Variants in LRP1B observed in about 807,000 individuals in gnomAD.
LRP1B encodes the protein low-density lipoprotein receptor-related protein 1B.
A neutral mutation model predicts 556.6 loss-of-function variants in LRP1B; 217 were observed. That is an observed-to-expected ratio of 0.39 (90% CI 0.35 to 0.44). LRP1B has a LOEUF of 0.44. Ranked by LOEUF, LRP1B falls within the 20% of genes least tolerant of loss-of-function variation. The pLI is 1.00. For synonymous variants in LRP1B, 2,047 were observed against 1,865.8 expected (o/e 1.10, Z -2.50); for missense variants, 5,053 against 5,620.8 (o/e 0.90, Z 3.23).
chr2:140,448,220 C>T lies in LRP1B; in HGVS notation c.10057+2348G>A, dbSNP rs149423856. Among the ~76,000 whole-genome samples the T allele has an allele frequency of 1.2e-3, 179 of 152,052 alleles. 6 individuals carry two copies. In the East Asian group the frequency reaches 0.03, roughly 26 times the overall value. Reference sequence around the variant, plus strand: ...TGTGAAAAATACAATATCTGCAAAGCGCAGTAAAGTACAGCACAATAAAAT... The same window carrying T: ...TGTGAAAAATACAATATCTGCAAAGTGCAGTAAAGTACAGCACAATAAAAT... On this transcript the variant is annotated intron_variant, in intron 63 of 90. Transcript: ENST00000389484.
chr2:140,961,382 C>T (rs1696028948), intron 18 of LRP1B, among the ~76,000 whole-genome samples: 1 of 151,918 alleles, frequency 6.6e-6, no homozygotes, highest in South Asian at 2.1e-4. Context: ...GTCGCAATAG[C>T]TTCCAAAGAA....
intron 7 of LRP1B, among the ~76,000 whole-genome samples, chr2:141,130,951 A>T (rs1701334255): frequency 6.6e-6 from 1 of 152,092 alleles, no homozygotes; most frequent in Admixed American, 6.6e-5. Context: ...ACATGTTCTC[A>T]TTCATAAGTG....
intron 20 of LRP1B, among the ~76,000 whole-genome samples, chr2:140,924,463 A>T (rs1176410114): frequency 8.5e-5 from 13 of 152,062 alleles, no homozygotes; most frequent in Non-Finnish European, 1.6e-4. Flanking sequence ...CAGGTGATAC[A>T]ATATTATAAA....
At chr2:141,508,810 C>T (rs1000860930) in intron 2 of LRP1B, among the ~76,000 whole-genome samples, 28 of 152,104 alleles carry the variant, frequency 1.8e-4, no homozygotes, top group Admixed American at 7.9e-4. Context: ...AATGCATCTT[C>T]CTAACCATTA....
At chr2:140,413,493 C>T (rs1245236724) in intron 66 of LRP1B, among the ~76,000 whole-genome samples, 2 of 152,122 alleles carry the variant, frequency 1.3e-5, no homozygotes, top group Non-Finnish European at 2.9e-5. Context: ...AACAATTTTA[C>T]CTTGCCTTGT....
chr2:141,338,385 G>C (rs1687927841), intron 3 of LRP1B, among the ~76,000 whole-genome samples: 1 of 152,168 alleles, frequency 6.6e-6, no homozygotes, highest in Admixed American at 6.5e-5. Flanking sequence ...GCATGAACTA[G>C]AGGTTTCTTC....
At chr2:140,363,205 T>G (rs987814326) in intron 72 of LRP1B, among the ~76,000 whole-genome samples, 1 of 151,632 alleles carries the variant, frequency 6.6e-6, no homozygotes. Context: ...AGAACCCTTT[T>G]GTTGTCCTAA....
intron 60 of LRP1B, among the ~76,000 whole-genome samples, chr2:140,471,357 T>G (rs1248161492): frequency 6.6e-6 from 1 of 152,176 alleles, no homozygotes. Context: ...CCCACCAAAA[T>G]AGAGCATCAT....
chr2:140,641,815 T>G (rs932136217), intron 41 of LRP1B, among the ~76,000 whole-genome samples: 7 of 152,226 alleles, frequency 4.6e-5, no homozygotes, highest in African/African-American at 1.7e-4. Flanking sequence ...TACTTTGTTT[T>G]TACTTTTAAA....
At chr2:142,105,089 A>T (rs1324575946) in intron 1 of LRP1B, among the ~76,000 whole-genome samples, 1 of 152,164 alleles carries the variant, frequency 6.6e-6, no homozygotes, top group Non-Finnish European at 1.5e-5. Flanking sequence ...TCATAGGCTG[A>T]TGTGCATCAT....
chr2:141,833,119 A>G (rs898761253), intron 1 of LRP1B, among the ~76,000 whole-genome samples: 4 of 151,906 alleles, frequency 2.6e-5, no homozygotes, highest in African/African-American at 9.6e-5. Flanking sequence ...GAGATTTCTT[A>G]TTATTTCTCA....
At chr2:141,534,063 G>A (rs1287977597) in intron 2 of LRP1B, among the ~76,000 whole-genome samples, 1 of 152,152 alleles carries the variant, frequency 6.6e-6, no homozygotes, top group Non-Finnish European at 1.5e-5. Flanking sequence ...GTGTGAGAGA[G>A]AGAGAGGGGA....
intron 3 of LRP1B, among the ~76,000 whole-genome samples, chr2:141,447,255 G>A (rs1209524669): frequency 1.3e-5 from 2 of 149,416 alleles, no homozygotes; most frequent in African/African-American, 4.9e-5. Flanking sequence ...GAGTTTTTCA[G>A]CTCCATCAGT....
intron 7 of LRP1B, among the ~76,000 whole-genome samples, chr2:141,117,455 G>A (rs780631907): frequency 1.3e-5 from 2 of 151,794 alleles, no homozygotes; most frequent in African/African-American, 4.8e-5. Flanking sequence ...TGATTTAATA[G>A]AAAGTGGAGA....
At chr2:141,580,465 G>C (rs1449957568) in intron 2 of LRP1B, among the ~76,000 whole-genome samples, 1 of 152,144 alleles carries the variant, frequency 6.6e-6, no homozygotes, top group Admixed American at 6.5e-5. Context: ...ACAGTTTAGG[G>C]AATTCTGGTG....
chr2:140,907,861 A>G lies in LRP1B; in HGVS notation c.3520+16T>C. 10 of 1,611,734 alleles carry G rather than the reference A, an allele frequency of 6.2e-6. No individual in the cohort carries two copies. The highest frequency in any genetic ancestry group is 8.5e-6 in the Non-Finnish European group (10 of 1,178,036). On this transcript the variant is annotated intron_variant, in intron 22 of 90. Coordinates refer to ENST00000389484, the MANE Select transcript of LRP1B (RefSeq NM_018557.3). ...TAGTTTTCATGGAGAAGTCAGTACA[A>G]TTAAACATGCAATACCACAGAGATA...
intron 3 of LRP1B, among the ~76,000 whole-genome samples, chr2:141,367,905 T>G (rs1033315): frequency 0.74 from 112,112 of 151,750 alleles, 42,473 homozygotes; most frequent in African/African-American, 0.87. Flanking sequence ...TCAAAATAGA[T>G]CATCATAAAA....
intron 32 of LRP1B, among the ~76,000 whole-genome samples, chr2:140,809,366 C>T (rs1275917305): frequency 6.6e-6 from 1 of 152,052 alleles, no homozygotes; most frequent in Non-Finnish European, 1.5e-5. Context: ...GGTTAATATT[C>T]CTTATGGCAA....
chr2:141,716,672 A>T (rs1692606787), intron 2 of LRP1B, among the ~76,000 whole-genome samples: 3 of 152,212 alleles, frequency 2.0e-5, no homozygotes, highest in Admixed American at 2.0e-4. Flanking sequence ...CTAAAAAAAT[A>T]AATAAATCTG....
Sources: gnomAD v4.1 joint callset for allele counts (sites outside exome capture counted in the v4.1 genomes callset) on GRCh38, gnomAD v4.1.1 for gene constraint, MANE v1.5 for transcripts, NCBI Gene and HGNC (gene_info 2026-07-23, HGNC 2026-07-21) for gene names.